The following SRGAP2C variants were observed in gnomAD, a reference collection of about 807,000 sequenced individuals.
SRGAP2C encodes the protein SLIT-ROBO Rho GTPase activating protein 2C, also known as SLIT-ROBO Rho GTPase-activating protein 2C.
In SRGAP2C, 15 loss-of-function variants were observed where a neutral mutation model predicts 25.1. The ratio of observed to expected loss-of-function variants is 0.60; its 90% CI spans 0.40 to 0.92. SRGAP2C has a LOEUF of 0.92. Ranked by LOEUF, SRGAP2C falls within the 40% of genes least tolerant of loss-of-function variation. The pLI is 0.00. For missense variants in SRGAP2C, 144 were observed against 264.4 expected (o/e 0.54, Z 3.16); for synonymous variants, 44 against 96.6 (o/e 0.46, Z 3.19).
At chr1:121,354,386 CTTTTTTTTTCTT>C (rs1659009745) in intron 4 of SRGAP2C, among the ~76,000 whole-genome samples, 1 of 37,714 alleles carries the variant, frequency 2.7e-5, no homozygotes, top group Non-Finnish European at 4.3e-5. Flanking sequence ...TCTTTCTGTC[CTTTTTTTTTCTT>C]TTTTTTTTTT....
chr1:121,337,495 C>T (rs1185523738), intron 4 of SRGAP2C, among the ~76,000 whole-genome samples: 1 of 149,760 alleles, frequency 6.7e-6, no homozygotes, highest in African/African-American at 2.5e-5. Flanking sequence ...AGCCAGGCGT[C>T]GTGGTGTATT....
intron 2 of SRGAP2C, among the ~76,000 whole-genome samples, chr1:121,255,429 T>G (rs1553332184): frequency 6.6e-6 from 1 of 151,840 alleles, no homozygotes. Flanking sequence ...TCCCAATTTC[T>G]TGGATTTTTT....
rs587659594 is a variant in SRGAP2C at position 121,374,538 on chromosome 1, G to C, written c.703-288G>C. The stretch of plus-strand genomic sequence containing the variant: ...AGGTATCAGGTGTTCAGGGGCAAGA[G>C]TAGTGGTACCTCCTTCAGAGTGGCA... On this transcript the variant is annotated intron_variant, in intron 6 of 9. Coordinates refer to ENST00000367123, the MANE Select transcript of SRGAP2C (RefSeq NM_001329984.2). Among the ~76,000 whole-genome samples the C allele has an allele frequency of 9.1e-4, 138 of 152,264 alleles. 2 individuals are homozygous for C. Among genetic ancestry groups the C allele is most frequent in the African/African-American group, 3.1e-3 (128 of 41,546 alleles).
intron 4 of SRGAP2C, chr1:121,360,257 AG>A (rs1553348339): frequency 1.6e-5 from 2 of 123,110 alleles, no homozygotes; most frequent in Non-Finnish European, 3.4e-5. Flanking sequence ...AGAAGGCAAA[AG>A]CACCTCTGGT....
intron 5 of SRGAP2C, among the ~76,000 whole-genome samples, chr1:121,370,399 T>G (rs1299653898): frequency 6.9e-6 from 1 of 145,320 alleles, no homozygotes; most frequent in Non-Finnish European, 1.5e-5. Context: ...TCCACTACAA[T>G]GGGAGAGGGG....
chr1:121,316,957 C>A (rs1658112708), intron 3 of SRGAP2C, among the ~76,000 whole-genome samples: 1 of 151,452 alleles, frequency 6.6e-6, no homozygotes, highest in African/African-American at 2.4e-5. Flanking sequence ...GGGATGTAAA[C>A]AAAGGGAAGG....
chr1:121,192,203 C>T (rs1283657785), intron 2 of SRGAP2C, among the ~76,000 whole-genome samples: 2 of 150,728 alleles, frequency 1.3e-5, no homozygotes, highest in African/African-American at 4.9e-5. Flanking sequence ...TCTTTCCTCA[C>T]AGCTCCCATT....
intron 4 of SRGAP2C, among the ~76,000 whole-genome samples, chr1:121,335,398 A>G (rs1553342385): frequency 1.1e-4 from 16 of 144,130 alleles, no homozygotes; most frequent in Admixed American, 2.8e-4. Context: ...AAAACAACCA[A>G]TTCTTTCTTT....
chr1:121,346,883 T>C (rs1405003055), intron 4 of SRGAP2C, among the ~76,000 whole-genome samples: 2 of 151,826 alleles, frequency 1.3e-5, no homozygotes, highest in Non-Finnish European at 2.9e-5. Context: ...CTAAGATAGA[T>C]TGTCTGAGTT....
intron 2 of SRGAP2C, among the ~76,000 whole-genome samples, chr1:121,265,170 G>T (rs1553334096): frequency 7.0e-6 from 1 of 143,116 alleles, no homozygotes; most frequent in African/African-American, 2.6e-5. Context: ...CTGTACTCCA[G>T]CCTGGGCAAC....
intron 3 of SRGAP2C, among the ~76,000 whole-genome samples, chr1:121,321,953 T>C (rs1658214790): frequency 1.3e-5 from 2 of 151,862 alleles, no homozygotes; most frequent in South Asian, 4.2e-4. Flanking sequence ...ATTAAAGTTC[T>C]ACTTTACTAT....
At chr1:121,369,618 C>T (rs587715409) in intron 5 of SRGAP2C, among the ~76,000 whole-genome samples, 1 of 146,892 alleles carries the variant, frequency 6.8e-6, no homozygotes, top group African/African-American at 2.5e-5. Flanking sequence ...CTCAACTCTG[C>T]TTGCCTATTT....
At chr1:121,288,038 G>GGGACCCGAGC (rs1553337131) in intron 3 of SRGAP2C, among the ~76,000 whole-genome samples, 1 of 143,326 alleles carries the variant, frequency 7.0e-6, no homozygotes, top group African/African-American at 2.6e-5. Context: ...CGTGTGGAAG[G>GGGACCCGAGC]GGACCCGAGC....
At chr1:121,258,607 AG>A (rs1440003037) in intron 2 of SRGAP2C, among the ~76,000 whole-genome samples, 2 of 150,870 alleles carry the variant, frequency 1.3e-5, no homozygotes, top group Non-Finnish European at 3.0e-5. Flanking sequence ...CTGGGATTAC[AG>A]GCATGTGCCA....
At chr1:121,290,996 AT>A (rs1203431392) in intron 3 of SRGAP2C, among the ~76,000 whole-genome samples, 17 of 120,980 alleles carry the variant, frequency 1.4e-4, no homozygotes, top group Admixed American at 9.9e-4. Flanking sequence ...AGAAGTTCAG[AT>A]TGGGTGTGGC....
chr1:121,245,772 G>T (rs1246938861), intron 2 of SRGAP2C, among the ~76,000 whole-genome samples: 1 of 125,720 alleles, frequency 8.0e-6, no homozygotes, highest in East Asian at 2.0e-4. Context: ...GGGAGAAGTG[G>T]AATGCAAATT....
intron 2 of SRGAP2C, among the ~76,000 whole-genome samples, chr1:121,255,348 C>T (rs1402418112): frequency 6.6e-6 from 1 of 151,780 alleles, no homozygotes; most frequent in African/African-American, 2.4e-5. Context: ...AGAATAAGTG[C>T]TTCTACAATG....
chr1:121,250,861 C>T (rs1411174825), intron 2 of SRGAP2C, among the ~76,000 whole-genome samples: 3 of 127,716 alleles, frequency 2.3e-5, no homozygotes, highest in East Asian at 2.0e-4. Context: ...AGAGCACTAG[C>T]GATGCTCTAT....
At chr1:121,210,342 C>G (rs1655220906) in intron 2 of SRGAP2C, among the ~76,000 whole-genome samples, 1 of 149,930 alleles carries the variant, frequency 6.7e-6, no homozygotes, top group Admixed American at 6.7e-5. Flanking sequence ...AGATTACATT[C>G]CTTCTCAACC....
Sources: allele counts gnomAD v4.1 joint callset (sites outside exome capture counted in the v4.1 genomes callset), GRCh38; gene constraint gnomAD v4.1.1; transcripts MANE v1.5; gene names NCBI Gene and HGNC (gene_info 2026-07-23, HGNC 2026-07-21).